Variants in DDX10 observed in about 807,000 individuals in gnomAD.
The protein encoded by DDX10 is probable ATP-dependent RNA helicase DDX10.
A neutral mutation model predicts 104.3 loss-of-function variants in DDX10; 74 were observed. The ratio of observed to expected loss-of-function variants is 0.71; its 90% CI spans 0.59 to 0.86. The LOEUF is 0.86. Among genes scored for constraint, DDX10 ranks in the 40% least tolerant of loss-of-function variants. DDX10 has a pLI of 0.00. For synonymous variants in DDX10, 351 were observed against 353.4 expected, an observed-to-expected ratio of 0.99 and a Z score of 0.08; for missense variants, 952 against 1,040.0, an observed-to-expected ratio of 0.92 and a Z score of 1.16.
At chr11:108,898,354 CAT>C (rs2134646042) in intron 16 of DDX10, among the ~76,000 whole-genome samples, 1 of 152,224 alleles carries the variant, frequency 6.6e-6, no homozygotes, top group South Asian at 2.1e-4. Context: ...TAATATGTTA[CAT>C]GTCTCGGAGT....
rs749208798 is a variant in DDX10 at position 108,723,221 on chromosome 11, A to G, written c.1724A>G (p.Asn575Ser). Residue 575 changes from asparagine to serine, a missense_variant, in exon 13 of 18, where the codon AAT (asparagine) becomes AGT (serine). Asn to Ser is a conservative substitution (Grantham distance 46, BLOSUM62 1). Transcript: ENST00000322536. ...GAAGGGACAGAGCACAGACAGGATA[A>G]TGATACTGGTAATGAAGAACAGGAA... The part of the protein sequence containing the change: ...RLEGTEHRQD[N>S]DTGNEEQEEE... 1.7e-5 allele frequency: 28 copies of G among 1,613,672 alleles called. No homozygotes were observed. Among genetic ancestry groups the G allele is most frequent in the Non-Finnish European group, 6.8e-6 (8 of 1,179,866 alleles).
intron 6 of DDX10, among the ~76,000 whole-genome samples, chr11:108,688,586 G>A (rs1053976749): frequency 6.6e-6 from 1 of 152,144 alleles, no homozygotes; most frequent in Admixed American, 6.5e-5. Flanking sequence ...TGATGAATGT[G>A]TATATCTCAG....
chr11:108,734,958 C>A (rs765662154), intron 13 of DDX10, among the ~76,000 whole-genome samples: 3 of 152,188 alleles, frequency 2.0e-5, no homozygotes, highest in Non-Finnish European at 4.4e-5. Context: ...CTTTTTAAGT[C>A]TCTAAGCAGT....
chr11:108,726,854 C>T (rs2094305966), intron 13 of DDX10, among the ~76,000 whole-genome samples: 1 of 152,032 alleles, frequency 6.6e-6, no homozygotes, highest in Admixed American at 6.6e-5. Flanking sequence ...GTTTGAGAAG[C>T]TTCCATCTAT....
intron 15 of DDX10, among the ~76,000 whole-genome samples, chr11:108,845,209 AAAACAAACAAACAAAC>A (rs36193704): frequency 1.3e-5 from 2 of 151,894 alleles, no homozygotes; most frequent in Non-Finnish European, 2.9e-5. Context: ...CTCTGTCTCA[AAAACAAACAAACAAAC>A]AAACAAACAA....
Position 108,940,721 on chromosome 11 carries a change from GT to G in DDX10, c.*299del. ...CCTTGTCATTGGAAACACTGCCTTTGTCTTACTGGCAAGTTCTGGAGCTCTT... is the reference window on the plus strand; with the variant it reads ...CCTTGTCATTGGAAACACTGCCTTTGCTTACTGGCAAGTTCTGGAGCTCTT... On this transcript the variant is annotated 3_prime_UTR_variant, in exon 18 of 18. Transcript: ENST00000322536. 2 of 274,364 alleles carry G rather than the reference GT, an allele frequency of 7.3e-6. No homozygotes were observed. Among genetic ancestry groups the G allele is most frequent in the African/African-American group, 2.1e-5 (1 of 46,722 alleles). The allele number at this position is 274,364 out of a possible 1,614,324, so 17.0% of individuals were successfully genotyped here.
intron 6 of DDX10, among the ~76,000 whole-genome samples, chr11:108,688,073 A>AT (rs2094247151): frequency 2.6e-5 from 4 of 152,206 alleles, no homozygotes; most frequent in Non-Finnish European, 5.9e-5. Context: ...ACAGTTGCAT[A>AT]ATAATTAATG....
At chr11:108,728,920 A>G (rs1470732115) in intron 13 of DDX10, among the ~76,000 whole-genome samples, 1 of 152,170 alleles carries the variant, frequency 6.6e-6, no homozygotes, top group Non-Finnish European at 1.5e-5. Context: ...CTAATATGCC[A>G]TTAACCTTTA....
intron 15 of DDX10, among the ~76,000 whole-genome samples, chr11:108,850,579 AAATT>A (rs1862777671): frequency 6.6e-6 from 1 of 152,156 alleles, no homozygotes; most frequent in Non-Finnish European, 1.5e-5. Flanking sequence ...AAGACTGGCA[AAATT>A]AATTGAGTAA....
intron 16 of DDX10, among the ~76,000 whole-genome samples, chr11:108,910,728 C>CGTGTGTGTGTGTGT (rs56191738): frequency 7.8e-6 from 1 of 127,668 alleles, no homozygotes; most frequent in African/African-American, 2.9e-5. Flanking sequence ...AGCGTGCATG[C>CGTGTGTGTGTGTGT]GTGTGTGTGT....
At chr11:108,720,828 A>G (rs893713860) in intron 12 of DDX10, among the ~76,000 whole-genome samples, 1 of 150,972 alleles carries the variant, frequency 6.6e-6, no homozygotes, top group African/African-American at 2.4e-5. Flanking sequence ...CCTGGGCTCA[A>G]GTGATCCCCC....
At chr11:108,731,994 C>G (rs1280909690) in intron 13 of DDX10, among the ~76,000 whole-genome samples, 2 of 152,318 alleles carry the variant, frequency 1.3e-5, no homozygotes, top group African/African-American at 4.8e-5. Context: ...CAGAAGGGAA[C>G]TGGCTTTGTT....
intron 13 of DDX10, among the ~76,000 whole-genome samples, chr11:108,761,919 A>C (rs2094351330): frequency 6.6e-6 from 1 of 152,184 alleles, no homozygotes; most frequent in African/African-American, 2.4e-5. Flanking sequence ...TCATTAAGTA[A>C]ATTTATATAA....
At chr11:108,907,155 C>A (rs541830733) in intron 16 of DDX10, among the ~76,000 whole-genome samples, 5 of 152,130 alleles carry the variant, frequency 3.3e-5, no homozygotes, top group Admixed American at 2.0e-4. Context: ...CATAGTCCTT[C>A]AGTCAAATAT....
chr11:108,915,435 T>G (rs897967029), intron 16 of DDX10, among the ~76,000 whole-genome samples: 1 of 118,344 alleles, frequency 8.4e-6, no homozygotes, highest in African/African-American at 5.1e-5. Context: ...AAGGCTTGTT[T>G]TTTTTTTTTT....
intron 13 of DDX10, among the ~76,000 whole-genome samples, chr11:108,828,943 C>T (rs570511496): frequency 6.6e-6 from 1 of 152,310 alleles, no homozygotes; most frequent in African/African-American, 2.4e-5. Flanking sequence ...GGATTACAGG[C>T]ATGAGCCACT....
chr11:108,720,895 GT>G (rs35211888), intron 12 of DDX10, among the ~76,000 whole-genome samples: 211 of 142,474 alleles, frequency 1.5e-3, no homozygotes, highest in Non-Finnish European at 1.7e-3. Context: ...GCCTGGCCGG[GT>G]TTTTTTTTTT....
intron 16 of DDX10, among the ~76,000 whole-genome samples, chr11:108,857,441 G>T (rs908576591): frequency 6.6e-6 from 1 of 152,088 alleles, no homozygotes; most frequent in Non-Finnish European, 1.5e-5. Context: ...ATGGGCTCCT[G>T]CTTTTGGAAC....
Position 108,838,459 on chromosome 11 carries a change from C to G in DDX10, c.1979C>G (p.Ser660Cys). ...DEKTLQKKEP[S>C]KSSIKKKMTK... ...GTTCTCACACAGAAGAAAGAACCTT[C>G]TAAATCCAGCATCAAGAAAAAAATG... Residue 660 changes from serine (S) to cysteine (C), a missense_variant, in exon 14 of 18, where the codon TCT (serine) becomes TGT (cysteine). This residue lies in a region of DDX10 where 533 missense variants were observed against 534.1 expected (regional missense o/e 1.00). Coordinates refer to ENST00000322536, the MANE Select transcript of DDX10 (RefSeq NM_004398.4). The G allele has an allele frequency of 6.2e-7, 1 of 1,610,836 alleles. No homozygotes were observed. The highest frequency in any genetic ancestry group is 8.5e-7 in the Non-Finnish European group (1 of 1,179,026).
Sources: allele counts gnomAD v4.1 joint callset (sites outside exome capture counted in the v4.1 genomes callset), GRCh38; gene constraint gnomAD v4.1.1; regional missense constraint gnomAD v4.1.1; transcripts MANE v1.5; gene names NCBI Gene and HGNC (gene_info 2026-07-23, HGNC 2026-07-21).